The following TNIK variants were observed in gnomAD, a reference collection of about 807,000 sequenced individuals.
TNIK encodes the protein TRAF2 and NCK interacting kinase.
TNIK carries 49 observed loss-of-function variants against 191.3 expected under a neutral mutation model. The ratio of observed to expected loss-of-function variants is 0.26; its 90% CI spans 0.20 to 0.32. The LOEUF (loss-of-function observed/expected upper bound fraction) is 0.32, where lower values mean the gene tolerates loss of function less well. Among genes scored for constraint, TNIK ranks in the 10% least tolerant of loss-of-function variants. The pLI is 1.00. For synonymous variants in TNIK, 594 were observed against 600.9 expected (o/e 0.99, Z 0.17); for missense variants, 1,155 against 1,702.3 (o/e 0.68, Z 5.66).
chr3:171,134,972 AC>A (rs1729777098), intron 15 of TNIK, among the ~76,000 whole-genome samples: 1 of 152,248 alleles, frequency 6.6e-6, no homozygotes, highest in South Asian at 2.1e-4. Flanking sequence ...GGAACAGATT[AC>A]AGAAGAGGTT....
chr3:171,460,248 GGTCC>G lies in TNIK; in HGVS notation c.-189_-186del. 8.3e-6 allele frequency: 6 copies of G among 721,740 alleles called. No individual in the cohort carries two copies. In the South Asian group the frequency reaches 1.1e-4, roughly 13 times the overall value. The allele number at this position is 721,740 out of a possible 1,614,324, so 44.7% of individuals were successfully genotyped here. ...CGATCCTCCGCGCGTCGGTCCGCCGGGTCCGGGAGCCCAGCCTGCGCGGATCTCC... is the reference window on the plus strand; with the variant it reads ...CGATCCTCCGCGCGTCGGTCCGCCGGGGGAGCCCAGCCTGCGCGGATCTCC... On this transcript the variant is annotated 5_prime_UTR_variant, in exon 1 of 33. Transcript: ENST00000436636. This position sits in a 1 kb window ranked among gnomAD's most constrained non-coding sequence, Gnocchi z 6.8.
rs768088861 is a variant in TNIK at position 171,157,471 on chromosome 3, G to C, written c.1210C>G (p.Arg404Gly). 6.4e-7 allele frequency: 1 copy of C among 1,563,930 alleles called. No individual in the cohort carries two copies. ...RIEEQKEQRR[R>G]LEEQQRREKE... Reference sequence around the variant, plus strand: ...GAGCAGGTCCTCACCTCCTCCAGCCGCCGCCTCTGCTCTTTCTGCTCCTCG... The same window carrying C: ...GAGCAGGTCCTCACCTCCTCCAGCCCCCGCCTCTGCTCTTTCTGCTCCTCG... The change falls in exon 12 of 33, where the codon CGG becomes GGG. Residue 404 changes from arginine (R) to glycine (G), a missense_variant. Physicochemically the swap from Arg to Gly is moderately radical, Grantham distance 125. Transcript: ENST00000436636.
rs116329734 is a variant in TNIK, at chr3:171,225,132, A to C, written c.180+3033T>G. On this transcript the variant is annotated intron_variant, in intron 3 of 32. Coordinates refer to ENST00000436636, the MANE Select transcript of TNIK (RefSeq NM_015028.4). ...TTCATTTCAGTTTTTTAACAGAGCA[A>C]CCATAATGAGTACAATTATAATAAT... Among the ~76,000 whole-genome samples the C allele has an allele frequency of 3.1e-3, 475 of 152,316 alleles. 1 individual carries two copies. Among genetic ancestry groups the C allele is most frequent in the African/African-American group, 0.011 (459 of 41,580 alleles).
At chr3:171,313,380 T>G (rs1332302508) in intron 2 of TNIK, among the ~76,000 whole-genome samples, 1 of 152,016 alleles carries the variant, frequency 6.6e-6, no homozygotes, top group Non-Finnish European at 1.5e-5. Flanking sequence ...TTAGGAAAGC[T>G]GTGGATGTGA....
intron 2 of TNIK, among the ~76,000 whole-genome samples, chr3:171,242,259 A>G (rs1191013994): frequency 6.6e-6 from 1 of 152,156 alleles, no homozygotes; most frequent in South Asian, 2.1e-4. Flanking sequence ...ATTTGCCTAA[A>G]CTGTTAAGAC....
chr3:171,438,341 T>C (rs934890105), intron 1 of TNIK, among the ~76,000 whole-genome samples: 1 of 152,204 alleles, frequency 6.6e-6, no homozygotes, highest in Non-Finnish European at 1.5e-5. Flanking sequence ...TAAGGTTTGG[T>C]TTCCCAGAAT....
intron 2 of TNIK, among the ~76,000 whole-genome samples, chr3:171,330,303 T>C (rs543459266): frequency 8.5e-5 from 13 of 152,358 alleles, no homozygotes; most frequent in African/African-American, 2.4e-4. Flanking sequence ...GGAATACCTT[T>C]GTAAAGGCCA....
chr3:171,138,357 T>C lies in TNIK; in HGVS notation c.1442A>G (p.Glu481Gly). ...CAGTCTTTCTGCTTGTCTCTGTTCT[T>C]CCAATTGTTTGCGCTTATATTCCTG... ...LLLEYKRKQLEEQRQAERLQR... is the reference protein window; with the variant it reads ...LLLEYKRKQLGEQRQAERLQR... Residue 481 changes from glutamate (E) to glycine (G), a missense_variant, in exon 15 of 33, where the codon GAA becomes GGA. This residue lies in a region of TNIK where 735 missense variants were observed against 848.0 expected (regional missense o/e 0.87). Coordinates refer to ENST00000436636, the MANE Select transcript of TNIK (RefSeq NM_015028.4). 3 of 1,604,682 alleles carry C rather than the reference T, an allele frequency of 1.9e-6. No individual in the cohort carries two copies. The highest frequency in any genetic ancestry group is 2.5e-6 in the Non-Finnish European group (3 of 1,176,478).
intron 18 of TNIK, among the ~76,000 whole-genome samples, chr3:171,114,800 C>A (rs1726420918): frequency 6.6e-6 from 1 of 152,098 alleles, no homozygotes; most frequent in South Asian, 2.1e-4. Flanking sequence ...ATTTTTATGA[C>A]AATTGTTCAT....
chr3:171,457,691 C>A (rs1483838552), intron 1 of TNIK, among the ~76,000 whole-genome samples: 2 of 152,210 alleles, frequency 1.3e-5, no homozygotes, highest in African/African-American at 2.4e-5. Context: ...AGACCCTGGC[C>A]CTCCAGGATA....
At chr3:171,450,789 T>C (rs565629701) in intron 1 of TNIK, among the ~76,000 whole-genome samples, 44 of 152,330 alleles carry the variant, frequency 2.9e-4, no homozygotes, top group African/African-American at 9.9e-4. Flanking sequence ...ATTCACACAA[T>C]TGATATTTAT....
intron 12 of TNIK, among the ~76,000 whole-genome samples, chr3:171,149,876 C>T (rs542908953): frequency 3.9e-4 from 60 of 152,324 alleles, no homozygotes; most frequent in South Asian, 1.2e-3. Flanking sequence ...AACTAGCCAG[C>T]CACTGCTCAC....
chr3:171,428,664 C>T (rs561360333), intron 1 of TNIK, among the ~76,000 whole-genome samples: 11 of 150,900 alleles, frequency 7.3e-5, no homozygotes, highest in African/African-American at 2.2e-4. Flanking sequence ...AGAGCACTCC[C>T]GCAGGGCAAC....
At chr3:171,313,725 T>C (rs1293876781) in intron 2 of TNIK, among the ~76,000 whole-genome samples, 1 of 152,178 alleles carries the variant, frequency 6.6e-6, no homozygotes, top group African/African-American at 2.4e-5. Context: ...AGAGCCAATC[T>C]GTCACCACGA....
chr3:171,322,705 G>A (rs537317775), intron 2 of TNIK, among the ~76,000 whole-genome samples: 1 of 152,172 alleles, frequency 6.6e-6, no homozygotes, highest in East Asian at 1.9e-4. Context: ...ACTAAGAAAA[G>A]GCTCTATGTC....
intron 2 of TNIK, among the ~76,000 whole-genome samples, chr3:171,292,605 T>C (rs1313567487): frequency 2.0e-5 from 3 of 151,932 alleles, no homozygotes; most frequent in Non-Finnish European, 2.9e-5. Context: ...TGAAACCCTG[T>C]CTCTACTAAA....
intron 1 of TNIK, among the ~76,000 whole-genome samples, chr3:171,410,050 C>G (rs971194348): frequency 2.6e-5 from 4 of 152,026 alleles, no homozygotes; most frequent in Non-Finnish European, 4.4e-5. Flanking sequence ...AATTAGAATT[C>G]AGAAGAGAAG....
At chr3:171,419,900 A>G (rs1723546091) in intron 1 of TNIK, among the ~76,000 whole-genome samples, 1 of 152,184 alleles carries the variant, frequency 6.6e-6, no homozygotes, top group Non-Finnish European at 1.5e-5. Context: ...CAGAAGTGGA[A>G]GCACTCATTT....
intron 1 of TNIK, among the ~76,000 whole-genome samples, chr3:171,404,926 G>T (rs1019966364): frequency 1.1e-4 from 16 of 152,222 alleles, no homozygotes; most frequent in African/African-American, 3.9e-4. Flanking sequence ...TTAACACGAT[G>T]ATTATAAATT....
Sources: gnomAD v4.1 joint callset for allele counts (sites outside exome capture counted in the v4.1 genomes callset) on GRCh38, gnomAD v4.1.1 for gene constraint, gnomAD v4.1.1 regional missense constraint, Gnocchi (gnomAD v3.1) non-coding constraint, MANE v1.5 for transcripts, NCBI Gene and HGNC (gene_info 2026-07-23, HGNC 2026-07-21) for gene names.